Variants in UBE2E1 observed in about 807,000 individuals in gnomAD.
UBE2E1 encodes ubiquitin conjugating enzyme E2 E1, also known as ubiquitin-conjugating enzyme E2 E1.
In UBE2E1, 6 loss-of-function variants were observed where a neutral mutation model predicts 21.4. The observed-to-expected ratio is 0.28, with a 90% CI of 0.15 to 0.55. The LOEUF is 0.55. UBE2E1 is among the 20% of genes least tolerant of loss of function. UBE2E1 has a pLI of 0.93. For missense variants in UBE2E1, 142 were observed against 236.5 expected (o/e 0.60, Z 2.62); for synonymous variants, 87 against 82.7 (o/e 1.05, Z -0.28).
chr3:23,854,433 G>A (rs941473338), intron 3 of UBE2E1, among the ~76,000 whole-genome samples: 5 of 152,230 alleles, frequency 3.3e-5, no homozygotes, highest in East Asian at 3.9e-4. Flanking sequence ...GTCTCAAAAT[G>A]AAGTCAACCC....
intron 3 of UBE2E1, among the ~76,000 whole-genome samples, chr3:23,824,718 G>A (rs1699719223): frequency 6.6e-6 from 1 of 152,292 alleles, no homozygotes; most frequent in East Asian, 1.9e-4. Flanking sequence ...CTTGCAGGCT[G>A]AATTTGCATT....
At chr3:23,873,268 T>A (rs530713814) in intron 3 of UBE2E1, among the ~76,000 whole-genome samples, 68 of 152,290 alleles carry the variant, frequency 4.5e-4, no homozygotes, top group African/African-American at 1.5e-3. Context: ...TGAAAGGGTC[T>A]TGGGAGAACT....
chr3:23,838,398 G>GA (rs1700014512), intron 3 of UBE2E1, among the ~76,000 whole-genome samples: 1 of 152,060 alleles, frequency 6.6e-6, no homozygotes, highest in Non-Finnish European at 1.5e-5. Context: ...ATATAATTGG[G>GA]ACTTGCTTGT....
chr3:23,809,326 T>C (rs1699338970), intron 2 of UBE2E1, among the ~76,000 whole-genome samples: 1 of 152,148 alleles, frequency 6.6e-6, no homozygotes, highest in Non-Finnish European at 1.5e-5. Flanking sequence ...TGGGACCCTA[T>C]AGAGGCTGTT....
In UBE2E1 at chr3:23,810,388, TG is replaced by T; in HGVS notation, c.153-1068del. 6.6e-7 allele frequency: 1 copy of T among 1,521,550 alleles called. No homozygotes were observed. The highest frequency in any genetic ancestry group is 8.8e-7 in the Non-Finnish European group (1 of 1,135,030). The allele number at this position is 1,521,550 out of a possible 1,614,324, so 94.3% of individuals were successfully genotyped here. ...GTGGCTTCGGCCTATGAGTGGGGGA[TG>T]GGGCCCTTTGTGAAGTCGAGGGTTG... is the stretch of plus-strand genomic sequence containing the variant. On this transcript the variant is annotated intron_variant, in intron 2 of 5. Transcript: ENST00000306627. This position sits in a 1 kb window ranked among gnomAD's most constrained non-coding sequence, Gnocchi z 5.8.
intron 3 of UBE2E1, among the ~76,000 whole-genome samples, chr3:23,811,995 A>G (rs918919479): frequency 1.3e-4 from 20 of 152,302 alleles, no homozygotes; most frequent in Admixed American, 7.2e-4. Flanking sequence ...TTCAGGAAAC[A>G]ATTTCTGGCT....
At chr3:23,837,489 C>G (rs568804015) in intron 3 of UBE2E1, among the ~76,000 whole-genome samples, 1 of 152,334 alleles carries the variant, frequency 6.6e-6, no homozygotes, top group Non-Finnish European at 1.5e-5. Context: ...TTGCTTTCTT[C>G]TGCAGAGAGG....
chr3:23,837,470 G>A (rs1278086674), intron 3 of UBE2E1, among the ~76,000 whole-genome samples: 1 of 152,192 alleles, frequency 6.6e-6, no homozygotes, highest in Non-Finnish European at 1.5e-5. Flanking sequence ...AAGCTATTTA[G>A]TGATACATTT....
chr3:23,890,588 C>CAA lies in UBE2E1; in HGVS notation c.565_566dup (p.Tyr191AspfsTer35). 1 of 1,608,406 alleles carries CAA rather than the reference C, an allele frequency of 6.2e-7. No individual in the cohort carries two copies. The highest frequency in any genetic ancestry group is 8.5e-7 in the Non-Finnish European group (1 of 1,176,704). ...ATGACAGAATGGCCAGACAGTGGAC[C>CAA]AAGAGATACGCTACATAAATTGGGG... On this transcript the variant is annotated frameshift_variant, in exon 6 of 6. Transcript: ENST00000306627. LOFTEE classifies it high-confidence loss of function.
In UBE2E1 at chr3:23,882,608, C is replaced by T. The variant is rs183635913; in HGVS notation, c.204-4959C>T. Among the ~76,000 whole-genome samples, 891 of 150,842 alleles carry T rather than the reference C, an allele frequency of 5.9e-3. 6 individuals are homozygous for T. Among genetic ancestry groups the T allele is most frequent in the Middle Eastern group, 0.024 (7 of 294 alleles). Reference sequence around the variant, plus strand: ...GTGGTCCCCATCGGGGAGGCTCAGGCCACGTGGGAGCCCACTGCAGGGGTG... The same window carrying T: ...GTGGTCCCCATCGGGGAGGCTCAGGTCACGTGGGAGCCCACTGCAGGGGTG... On this transcript the variant is annotated intron_variant, in intron 3 of 5. Coordinates refer to ENST00000306627, the MANE Select transcript of UBE2E1 (RefSeq NM_003341.5).
intron 3 of UBE2E1, among the ~76,000 whole-genome samples, chr3:23,841,307 A>G (rs1464901879): frequency 6.6e-6 from 1 of 152,122 alleles, no homozygotes; most frequent in Non-Finnish European, 1.5e-5. Flanking sequence ...AGAGACTGAT[A>G]CTGTTTCTGG....
At chr3:23,837,447 A>G (rs1699995686) in intron 3 of UBE2E1, among the ~76,000 whole-genome samples, 1 of 152,180 alleles carries the variant, frequency 6.6e-6, no homozygotes, top group African/African-American at 2.4e-5. Context: ...AAAGATAGTA[A>G]TGTGTTAACT....
At chr3:23,889,910 A>G (rs1010392724) in intron 5 of UBE2E1, 1 of 166,330 alleles carries the variant, frequency 6.0e-6, no homozygotes, top group African/African-American at 2.4e-5. Context: ...ATATATATAT[A>G]TACACATATG....
intron 3 of UBE2E1, among the ~76,000 whole-genome samples, chr3:23,860,166 G>C (rs1700522825): frequency 1.3e-5 from 2 of 152,334 alleles, no homozygotes; most frequent in African/African-American, 2.4e-5. Flanking sequence ...TCTCACAGCT[G>C]TCTGTCCTTG....
chr3:23,824,812 C>A (rs1699720910), intron 3 of UBE2E1, among the ~76,000 whole-genome samples: 1 of 151,994 alleles, frequency 6.6e-6, no homozygotes, highest in Admixed American at 6.5e-5. Flanking sequence ...CCTTCCTGCT[C>A]CCTTAAGAAA....
At chr3:23,881,973 G>C (rs1575039495) in intron 3 of UBE2E1, among the ~76,000 whole-genome samples, 1 of 152,196 alleles carries the variant, frequency 6.6e-6, no homozygotes, top group South Asian at 2.1e-4. Context: ...ATTCCTTCTG[G>C]TGGGTTCGTG....
chr3:23,882,124 G>C (rs2090462597), intron 3 of UBE2E1, among the ~76,000 whole-genome samples: 1 of 152,180 alleles, frequency 6.6e-6, no homozygotes, highest in Admixed American at 6.5e-5. Flanking sequence ...GTGTCAAAGG[G>C]GGCCTGAGCA....
At chr3:23,813,922 C>A (rs553191945) in intron 3 of UBE2E1, among the ~76,000 whole-genome samples, 5 of 152,292 alleles carry the variant, frequency 3.3e-5, no homozygotes, top group African/African-American at 7.2e-5. Flanking sequence ...TTTAAAATTA[C>A]CCTCAGCATG....
intron 3 of UBE2E1, among the ~76,000 whole-genome samples, chr3:23,846,445 C>G (rs533411034): frequency 2.2e-4 from 34 of 152,034 alleles, no homozygotes; most frequent in African/African-American, 7.7e-4. Context: ...ACCTGTAATC[C>G]CAGCACTTTG....
Sources: allele counts gnomAD v4.1 joint callset (sites outside exome capture counted in the v4.1 genomes callset), GRCh38; gene constraint gnomAD v4.1.1; non-coding constraint Gnocchi (gnomAD v3.1); transcripts MANE v1.5; gene names NCBI Gene and HGNC (gene_info 2026-07-23, HGNC 2026-07-21).